Variants in ANO4 observed in about 807,000 individuals in gnomAD.
The protein encoded by ANO4 is anoctamin-4.
ANO4 carries 69 observed loss-of-function variants against 141.9 expected under a neutral mutation model. The observed-to-expected ratio is 0.49, with a 90% CI of 0.40 to 0.59. The LOEUF (loss-of-function observed/expected upper bound fraction) is 0.59. Ranked by LOEUF, ANO4 falls within the 20% of genes least tolerant of loss-of-function variation. The pLI is 0.00. For synonymous variants in ANO4, 350 were observed against 394.3 expected, an observed-to-expected ratio of 0.89 and a Z score of 1.33; for missense variants, 894 against 1,162.2, an observed-to-expected ratio of 0.77 and a Z score of 3.36.
At chr12:101,090,353 C>T (rs910123251) in intron 17 of ANO4, among the ~76,000 whole-genome samples, 2 of 152,168 alleles carry the variant, frequency 1.3e-5, no homozygotes, top group African/African-American at 4.8e-5. Context: ...CAACCCAAAT[C>T]TCCATCAATG....
chr12:100,833,716 G>A (rs932752327), intron 1 of ANO4, among the ~76,000 whole-genome samples: 4 of 152,080 alleles, frequency 2.6e-5, no homozygotes, highest in African/African-American at 9.6e-5. Flanking sequence ...AGAGTGTCTG[G>A]CTCATAGTAG....
chr12:100,787,604 C>T (rs191088509), intron 3 of ANO4, among the ~76,000 whole-genome samples: 18 of 152,220 alleles, frequency 1.2e-4, no homozygotes, highest in Admixed American at 1.1e-3. Flanking sequence ...GCTTCTGAGA[C>T]TATGATATTC....
chr12:101,097,788 C>G, intron 20 of ANO4, 60 bp from the exon 21 acceptor site: 2 of 1,605,528 alleles, frequency 1.2e-6, no homozygotes, highest in Non-Finnish European at 1.7e-6. Flanking sequence ...AGATTATAAA[C>G]CAGACACCCT....
intron 4 of ANO4, among the ~76,000 whole-genome samples, chr12:100,939,785 G>C (rs2042432304): frequency 6.6e-6 from 1 of 152,114 alleles, no homozygotes; most frequent in East Asian, 1.9e-4. Flanking sequence ...ATCCCCCAGT[G>C]GGTAGAATAG....
intron 3 of ANO4, among the ~76,000 whole-genome samples, chr12:100,742,312 A>G (rs941050453): frequency 6.6e-6 from 1 of 152,146 alleles, no homozygotes; most frequent in African/African-American, 2.4e-5. Flanking sequence ...TGATTTTAAT[A>G]TGTATTTTTG....
rs905351425 is a variant in ANO4 at position 100,974,842 on chromosome 12, C to T, written c.558-3C>T. The T allele has an allele frequency of 1.2e-6, 2 of 1,613,338 alleles. No individual in the cohort carries two copies. Among genetic ancestry groups the T allele is most frequent in the Non-Finnish European group, 1.7e-6 (2 of 1,179,880 alleles). On this transcript the variant is annotated splice_region_variant and splice_polypyrimidine_tract_variant and intron_variant, in intron 6 of 27. Coordinates refer to ENST00000392977, the MANE Select transcript of ANO4 (RefSeq NM_001286615.2). ...ACTGGCTTCATTTTTGCTGTTCTTC[C>T]AGGAGAAAAATCTATTACCTGCCCC...
At chr12:100,925,765 GTATATA>G (rs62812263) in intron 3 of ANO4, among the ~76,000 whole-genome samples, 5,052 of 146,512 alleles carry the variant, frequency 0.034, 232 homozygotes, top group African/African-American at 0.11. Flanking sequence ...TTTATATATA[GTATATA>G]TATATATATG....
intron 3 of ANO4, among the ~76,000 whole-genome samples, chr12:100,779,928 C>A (rs530860865): frequency 6.6e-6 from 1 of 152,146 alleles, no homozygotes; most frequent in Non-Finnish European, 1.5e-5. Flanking sequence ...TTGTATTTCC[C>A]AGCCATTAAA....
intron 3 of ANO4, among the ~76,000 whole-genome samples, chr12:100,923,261 T>C (rs1293941067): frequency 1.3e-5 from 2 of 152,054 alleles, no homozygotes; most frequent in Admixed American, 6.6e-5. Flanking sequence ...ATATTAGATA[T>C]GTCTCCTAAT....
chr12:100,867,659 T>C (rs900433781), intron 1 of ANO4, among the ~76,000 whole-genome samples: 3 of 152,148 alleles, frequency 2.0e-5, no homozygotes, highest in Admixed American at 1.3e-4. Flanking sequence ...TAACCAAATA[T>C]ATGGACACCC....
chr12:100,939,850 T>A (rs1416581080), intron 4 of ANO4, among the ~76,000 whole-genome samples: 1 of 152,166 alleles, frequency 6.6e-6, no homozygotes, highest in Non-Finnish European at 1.5e-5. Context: ...TCTCTCTGAG[T>A]TTCCATTTGC....
intron 3 of ANO4, among the ~76,000 whole-genome samples, chr12:100,765,213 C>T (rs575882142): frequency 3.2e-4 from 48 of 152,062 alleles, no homozygotes; most frequent in Non-Finnish European, 5.9e-4. Flanking sequence ...GAACTTATTT[C>T]TGTTAGATTA....
intron 3 of ANO4, among the ~76,000 whole-genome samples, chr12:100,772,503 G>A (rs1593304094): frequency 6.6e-6 from 1 of 152,198 alleles, no homozygotes; most frequent in East Asian, 1.9e-4. Flanking sequence ...GTGGCATAGT[G>A]GAGTGAGCAT....
At chr12:101,037,281 G>A (rs1037774521) in intron 10 of ANO4, 131 bp downstream of exon 10, 2 of 866,924 alleles carry the variant, frequency 2.3e-6, no homozygotes, top group Non-Finnish European at 3.7e-6. Context: ...TGGGTAATTA[G>A]GGAGGGTCTA....
intron 3 of ANO4, among the ~76,000 whole-genome samples, chr12:100,776,722 C>A (rs1341184192): frequency 6.6e-6 from 1 of 152,188 alleles, no homozygotes; most frequent in Non-Finnish European, 1.5e-5. Context: ...GGTCACTTGA[C>A]CTTTTGCCTT....
At chr12:100,806,892 C>A (rs1444445243) in intron 1 of ANO4, among the ~76,000 whole-genome samples, 1 of 151,742 alleles carries the variant, frequency 6.6e-6, no homozygotes, top group Non-Finnish European at 1.5e-5. Context: ...ATTTTTTTTA[C>A]CAAGTGTTTC....
chr12:100,900,509 T>C (rs2040545377), intron 1 of ANO4, among the ~76,000 whole-genome samples: 1 of 142,418 alleles, frequency 7.0e-6, no homozygotes, highest in Non-Finnish European at 1.5e-5. Context: ...TGTCCAAGTG[T>C]TCTCATTGTT....
At chr12:100,859,252 T>C (rs1593541258) in intron 1 of ANO4, 2 of 152,178 alleles carry the variant, frequency 1.3e-5, no homozygotes, top group Admixed American at 1.3e-4. Context: ...TGAGTGGCAG[T>C]GACAGGTGTC....
At chr12:100,750,987 A>G (rs2032348889) in intron 3 of ANO4, among the ~76,000 whole-genome samples, 1 of 152,128 alleles carries the variant, frequency 6.6e-6, no homozygotes, top group African/African-American at 2.4e-5. Flanking sequence ...GAGGGAAGAT[A>G]TGAGCTGTGA....
Sources: allele counts gnomAD v4.1 joint callset (sites outside exome capture counted in the v4.1 genomes callset), GRCh38; gene constraint gnomAD v4.1.1; transcripts MANE v1.5; gene names NCBI Gene and HGNC (gene_info 2026-07-23, HGNC 2026-07-21).